SPG11: variants seen among roughly 807,000 people sequenced by gnomAD.
SPG11 encodes SPG11 vesicle trafficking associated, spatacsin.
SPG11 carries 222 observed loss-of-function variants against 274.0 expected under a neutral mutation model. The observed-to-expected ratio is 0.81, with a 90% CI of 0.73 to 0.91. The LOEUF is 0.91. SPG11 is among the 40% of genes least tolerant of loss of function. The pLI is 0.00. For missense variants in SPG11, 3,114 were observed against 2,872.7 expected (o/e 1.08, Z -1.92); for synonymous variants, 1,144 against 1,039.7 (o/e 1.10, Z -1.93).
At chr15:44,590,992 GT>G (rs756350314) in intron 27 of SPG11, 1 of 152,130 alleles carries the variant, frequency 6.6e-6, no homozygotes, top group Non-Finnish European at 1.5e-5. Flanking sequence ...TTAAGGAATG[GT>G]TTATAAAATC....
At chr15:44,622,877 A>G in intron 11 of SPG11, 78 bp from the exon 12 acceptor site, 4 of 975,796 alleles carry the variant, frequency 4.1e-6, no homozygotes, top group Non-Finnish European at 6.7e-6. Context: ...TGTTAGATAC[A>G]GAAACACCCT....
chr15:44,615,262 G>A (rs184347308), intron 16 of SPG11, 101 bp downstream of exon 16: 509 of 1,119,766 alleles, frequency 4.5e-4, no homozygotes, highest in Non-Finnish European at 6.4e-4. Context: ...AGTATTCCTC[G>A]TGTGAATGCT....
chr15:44,607,666 C>T (rs1324028235), intron 19 of SPG11, among the ~76,000 whole-genome samples: 5 of 152,102 alleles, frequency 3.3e-5, no homozygotes, highest in Non-Finnish European at 7.4e-5. Context: ...GAGAAATGGG[C>T]AAAGGAAGGT....
chr15:44,654,368 C>G (rs935531262), intron 4 of SPG11, among the ~76,000 whole-genome samples: 7 of 151,954 alleles, frequency 4.6e-5, no homozygotes, highest in African/African-American at 1.7e-4. Context: ...ATTAGCTGGG[C>G]GTGGTGGCAC....
chr15:44,636,236 C>A (rs1465631413), intron 7 of SPG11, among the ~76,000 whole-genome samples: 1 of 151,692 alleles, frequency 6.6e-6, no homozygotes, highest in Non-Finnish European at 1.5e-5. Context: ...TGAGGTGACA[C>A]CCGCCAAAAA....
At chr15:44,596,601 T>C (rs1466529174) in intron 24 of SPG11, among the ~76,000 whole-genome samples, 183 bp downstream of exon 24, 1 of 137,352 alleles carries the variant, frequency 7.3e-6, no homozygotes, top group Non-Finnish European at 1.5e-5. Flanking sequence ...ACTGAAATCT[T>C]AGGAAAAATA....
rs2083098840 is a variant in SPG11, at chr15:44,598,392, A to G, written c.3893-19T>C. ...TTTTCGGCTGTAAGAAATATAAACA[A>G]CAAAATATGGTGAAGAGAAAAAGTC... is the stretch of plus-strand genomic sequence containing the variant. On this transcript the variant is annotated intron_variant, in intron 22 of 39. Transcript: ENST00000261866. 6.2e-7 allele frequency: 1 copy of G among 1,600,876 alleles called. No homozygotes were observed. The highest frequency in any genetic ancestry group is 2.2e-5 in the East Asian group (1 of 44,804).
At chr15:44,599,527 T>C (rs1279685021) in intron 21 of SPG11, among the ~76,000 whole-genome samples, 1 of 152,126 alleles carries the variant, frequency 6.6e-6, no homozygotes, top group Admixed American at 6.5e-5. Flanking sequence ...CTCAAACTCC[T>C]GAGGTTGTGA....
intron 7 of SPG11, among the ~76,000 whole-genome samples, chr15:44,636,938 A>ACAAAAC (rs1215995730): frequency 8.8e-6 from 1 of 113,076 alleles, no homozygotes; most frequent in Non-Finnish European, 1.8e-5. Context: ...AAAAAAAAAA[A>ACAAAAC]AAAAAAAAAA....
Position 44,657,117 on chromosome 15 carries a change from G to C in SPG11, c.847C>G (p.Leu283Val). Residue 283 changes from leucine (L) to valine (V), a missense_variant, in exon 4 of 40, where the codon CTT becomes GTT. Coordinates refer to ENST00000261866, the MANE Select transcript of SPG11 (RefSeq NM_025137.4). The stretch of plus-strand genomic sequence containing the variant: ...TACCTGAAATACAAATTTAAGTTAA[G>C]AGCAACTGCGGAGTTGGAGGAGCTG... ...IVSSSNSAVA[L>V]NLNLYFRQHP... is the part of the protein sequence containing the mutation. 1 of 1,613,970 alleles carries C rather than the reference G, an allele frequency of 6.2e-7. No homozygotes were observed. Among genetic ancestry groups the C allele is most frequent in the Non-Finnish European group, 8.5e-7 (1 of 1,179,962 alleles).
Position 44,565,909 on chromosome 15 carries a change from T to C in SPG11, c.6944A>G (p.Asn2315Ser), listed in dbSNP as rs200276333. 3.1e-6 allele frequency: 5 copies of C among 1,613,584 alleles called. No homozygotes were observed. The highest frequency in any genetic ancestry group is 1.7e-5 in the Admixed American group (1 of 59,980). The change falls in exon 38 of 40, where the codon AAC becomes AGC. Residue 2315 changes from asparagine to serine, a missense_variant. By Grantham distance (46) the Asn-to-Ser change is conservative (BLOSUM62 1). Coordinates refer to ENST00000261866, the MANE Select transcript of SPG11 (RefSeq NM_025137.4). ...GTCCATCAGCTTGTGGCGGCCCAAG[T>C]TGATGAGCATTGTGTTCTGGCCAGT... ...LNTGQNTMLI[N>S]LGRHKLMDCI...
chr15:44,633,749 C>T, intron 7 of SPG11, 112 bp from the exon 8 acceptor site: 1 of 1,084,078 alleles, frequency 9.2e-7, no homozygotes, highest in South Asian at 1.4e-5. Context: ...CTACAGGAGG[C>T]AAAAGACTGC....
Position 44,622,325 on chromosome 15 carries a change from T to C in SPG11, c.2339A>G (p.Asn780Ser). The change falls in exon 13 of 40, where the codon AAT becomes AGT. Residue 780 changes from asparagine (N) to serine (S), a missense_variant. Asn to Ser is a conservative substitution (Grantham distance 46). Coordinates refer to ENST00000261866, the MANE Select transcript of SPG11 (RefSeq NM_025137.4). ...DFLVEILKEK[N>S]YFSEKEKRTI... ...TCTTTTCTCTTTTTCAGAAAAATAA[T>C]TTTTTTCTTTTAAAATTTCAACCTT... 2 of 1,560,002 alleles carry C rather than the reference T, an allele frequency of 1.3e-6. No homozygotes were observed. Among genetic ancestry groups the C allele is most frequent in the Non-Finnish European group, 8.8e-7 (1 of 1,141,256 alleles).
intron 19 of SPG11, among the ~76,000 whole-genome samples, chr15:44,607,058 A>G (rs115721782): frequency 6.6e-6 from 1 of 152,228 alleles, no homozygotes; most frequent in Non-Finnish European, 1.5e-5. Context: ...TTCTGTCAGT[A>G]TAAATCCAGA....
chr15:44,633,131 G>A (rs1319568625), intron 8 of SPG11, among the ~76,000 whole-genome samples: 1 of 151,578 alleles, frequency 6.6e-6, no homozygotes, highest in East Asian at 1.9e-4. Flanking sequence ...TTGAGCCCAG[G>A]AGTTTGAGAC....
At chr15:44,602,309 C>A (rs1426861166) in intron 20 of SPG11, among the ~76,000 whole-genome samples, 1 of 152,144 alleles carries the variant, frequency 6.6e-6, no homozygotes, top group Non-Finnish European at 1.5e-5. Context: ...AGAGGAAAAG[C>A]TTTCAACTTT....
intron 20 of SPG11, 106 bp downstream of exon 20, chr15:44,605,919 C>T: frequency 5.9e-6 from 6 of 1,008,540 alleles, no homozygotes; most frequent in Non-Finnish European, 9.2e-6. Context: ...TACACCTTTA[C>T]TTTTAAAATA....
rs1330412972 is a variant in SPG11, at chr15:44,567,538, C to A, written c.6640G>T (p.Asp2214Tyr). ...LDYIKRCRPG[D>Y]SEKHNMIALC... The stretch of plus-strand genomic sequence containing the variant: ...GCAATCATATTGTGCTTTTCACTGT[C>A]TCCAGGACGGCAGCGTTTGATGTAG... The change falls in exon 36 of 40, where the codon GAC (aspartate) becomes TAC (tyrosine). Residue 2214 changes from aspartate (D) to tyrosine (Y), a missense_variant. Coordinates refer to ENST00000261866, the MANE Select transcript of SPG11 (RefSeq NM_025137.4). The A allele has an allele frequency of 6.2e-7, 1 of 1,613,842 alleles. No individual in the cohort carries two copies. Among genetic ancestry groups the A allele is most frequent in the Non-Finnish European group, 8.5e-7 (1 of 1,180,006 alleles).
chr15:44,595,773 C>T (rs2083020539), intron 25 of SPG11, among the ~76,000 whole-genome samples: 1 of 152,168 alleles, frequency 6.6e-6, no homozygotes, highest in South Asian at 2.1e-4. Flanking sequence ...TGGAATGTCC[C>T]TCTTCCCTGC....
Sources: gnomAD v4.1 joint callset for allele counts (sites outside exome capture counted in the v4.1 genomes callset) on GRCh38, gnomAD v4.1.1 for gene constraint, MANE v1.5 for transcripts, NCBI Gene and HGNC (gene_info 2026-07-23, HGNC 2026-07-21) for gene names.